CD276: variants seen among roughly 807,000 people sequenced by gnomAD.
CD276 encodes the protein CD276 molecule, also known as CD276 antigen.
CD276 carries 34 observed loss-of-function variants against 50.0 expected under a neutral mutation model. The ratio of observed to expected loss-of-function variants is 0.68; its 90% CI spans 0.52 to 0.91. The LOEUF (loss-of-function observed/expected upper bound fraction) is 0.91. Among genes scored for constraint, CD276 ranks in the 40% least tolerant of loss-of-function variants. The pLI is 0.00. For synonymous variants in CD276, 275 were observed against 313.0 expected, an observed-to-expected ratio of 0.88 and a Z score of 1.28; for missense variants, 634 against 717.5, an observed-to-expected ratio of 0.88 and a Z score of 1.33.
In CD276 at chr15:73,688,336, G is replaced by C. The variant is rs190627427; in HGVS notation, c.-55+3876G>C. ...ATTATTACTGCAGTTTTGGTACTGGGCACTTTCCTAAGTCCTCTCTCTCTA... is the reference window on the plus strand; with the variant it reads ...ATTATTACTGCAGTTTTGGTACTGGCCACTTTCCTAAGTCCTCTCTCTCTA... On this transcript the variant is annotated intron_variant, in intron 1 of 9. Transcript: ENST00000318443. Among the ~76,000 whole-genome samples the C allele has an allele frequency of 7.9e-4, 121 of 152,212 alleles. 1 individual carries two copies. The highest frequency in any genetic ancestry group is 1.2e-3 in the Non-Finnish European group (82 of 67,990).
chr15:73,696,074 T>G (rs1900162288), intron 1 of CD276, among the ~76,000 whole-genome samples: 1 of 152,254 alleles, frequency 6.6e-6, no homozygotes, highest in Admixed American at 6.5e-5. Flanking sequence ...ATGCCCTTGC[T>G]GTACCTTAGG....
At chr15:73,705,153 T>TCAGTCACTTCCTGGGCCGACGTGCTCA (rs1408452022) in intron 6 of CD276, among the ~76,000 whole-genome samples, 1 of 152,196 alleles carries the variant, frequency 6.6e-6, no homozygotes, top group African/African-American at 2.4e-5. Context: ...AGGCCTCTGG[T>TCAGTCACTTCCTGGGCCGACGTGCTCA]CAGTCACTTC....
At position 73,709,704 on chromosome 15, in the gene CD276, G is replaced by A. The variant is rs761008337; in HGVS notation, c.1546+15G>A. 1 of 1,609,640 alleles carries A rather than the reference G, an allele frequency of 6.2e-7. No homozygotes were observed. The highest frequency in any genetic ancestry group is 2.2e-5 in the East Asian group (1 of 44,732). On this transcript the variant is annotated intron_variant, in intron 8 of 9. Coordinates refer to ENST00000318443, the MANE Select transcript of CD276 (RefSeq NM_001024736.2). ...CTCCAAGACAGGTGAGTCTGAACTTGGAGCTGGCCCTCTTGGCTGGGAGAG... is the reference window on the plus strand; with the variant it reads ...CTCCAAGACAGGTGAGTCTGAACTTAGAGCTGGCCCTCTTGGCTGGGAGAG...
chr15:73,713,921 C>T lies in CD276; in HGVS notation c.*965C>T, dbSNP rs545685681. 3 of 380,714 alleles carry T rather than the reference C, an allele frequency of 7.9e-6. No homozygotes were observed. The highest frequency in any genetic ancestry group is 6.7e-5 in the African/African-American group (3 of 44,570). The allele number at this position is 380,714 out of a possible 1,614,324, so 23.6% of individuals were successfully genotyped here. On this transcript the variant is annotated 3_prime_UTR_variant, in exon 10 of 10. Transcript: ENST00000318443. ...CTGCGTGGGAAGATAAAGTTCCTCCCTCAAGGACTCCCCATCCAGCTGGGA... is the reference window on the plus strand; with the variant it reads ...CTGCGTGGGAAGATAAAGTTCCTCCTTCAAGGACTCCCCATCCAGCTGGGA...
intron 7 of CD276, 146 bp downstream of exon 7, chr15:73,708,619 C>A (rs992102658): frequency 7.7e-6 from 7 of 914,236 alleles, no homozygotes; most frequent in Non-Finnish European, 1.2e-5. Context: ...CTGTGTGTGA[C>A]CTTGAGTCTA....
intron 2 of CD276, among the ~76,000 whole-genome samples, chr15:73,700,882 T>G (rs112069561): frequency 5.6e-3 from 2 of 360 alleles, no homozygotes; most frequent in Admixed American, 0.023. Flanking sequence ...GGGGTTCGCT[T>G]CCCCTCCTCC....
chr15:73,708,679 C>T, intron 7 of CD276: 1 of 601,134 alleles, frequency 1.7e-6, no homozygotes, highest in Non-Finnish European at 2.9e-6. Flanking sequence ...TGTGCAGATA[C>T]CACAGGATGA....
intron 8 of CD276, 92 bp downstream of exon 8, chr15:73,709,781 C>A: frequency 7.7e-7 from 1 of 1,306,292 alleles, no homozygotes; most frequent in Non-Finnish European, 1.1e-6. Flanking sequence ...GCCAGATTTG[C>A]TGTAAGGTTT....
In CD276 at chr15:73,702,906, C is replaced by T. The variant is rs142744437; in HGVS notation, c.553C>T (p.Pro185Ser). 3,354 of 1,614,036 alleles carry T rather than the reference C, an allele frequency of 2.1e-3. 8 individuals carry two copies. The highest frequency in any genetic ancestry group is 2.7e-3 in the Non-Finnish European group (3,239 of 1,180,032). ...GTTCTGGCAGGATGGGCAGGGTGTGCCCCTGACTGGCAACGTGACCACGTC... is the reference window on the plus strand; with the variant it reads ...GTTCTGGCAGGATGGGCAGGGTGTGTCCCTGACTGGCAACGTGACCACGTC... ...EVFWQDGQGV[P>S]LTGNVTTSQM... Residue 185 changes from proline (P) to serine (S), a missense_variant, in exon 4 of 10, where the codon CCC becomes TCC. Physicochemically the swap from Pro to Ser is moderately conservative, Grantham distance 74 (BLOSUM62 -1). Transcript: ENST00000318443.
At position 73,702,881 on chromosome 15, in the gene CD276, G is replaced by A. The variant is rs1194155691; in HGVS notation, c.528G>A (p.Val176=). 6.2e-7 allele frequency: 1 copy of A among 1,614,026 alleles called. No homozygotes were observed. The highest frequency in any genetic ancestry group is 8.5e-7 in the Non-Finnish European group (1 of 1,180,044). ...SSYQGYPEAE[V]FWQDGQGVPL... ...ACCAGGGCTACCCTGAGGCTGAGGT[G>A]TTCTGGCAGGATGGGCAGGGTGTGC... Residue 176 remains valine (V), a synonymous_variant, in exon 4 of 10, where the codon GTG becomes GTA. Transcript: ENST00000318443.
chr15:73,688,877 G>A (rs2141533940), intron 1 of CD276, among the ~76,000 whole-genome samples: 1 of 152,178 alleles, frequency 6.6e-6, no homozygotes, highest in South Asian at 2.1e-4. Flanking sequence ...AGGCAAGGAG[G>A]CATTTAGGCA....
chr15:73,708,248 G>A (rs1900724550), intron 6 of CD276, 91 bp from the exon 7 acceptor site: 4 of 1,424,664 alleles, frequency 2.8e-6, no homozygotes, highest in Non-Finnish European at 3.9e-6. Flanking sequence ...GTGAGGGTGG[G>A]AGCCCCTGTT....
intron 1 of CD276, among the ~76,000 whole-genome samples, chr15:73,686,850 T>C (rs1899788092): frequency 6.6e-6 from 1 of 152,174 alleles, no homozygotes; most frequent in Non-Finnish European, 1.5e-5. Context: ...ATGGGGGCTG[T>C]TAAGCTGTGG....
At chr15:73,711,030 A>C (rs1596022580) in intron 8 of CD276, 105 bp from the exon 9 acceptor site, 1 of 1,202,250 alleles carries the variant, frequency 8.3e-7, no homozygotes, top group Non-Finnish European at 1.2e-6. Flanking sequence ...CACTCTGCTG[A>C]CTTGTCCCGC....
chr15:73,697,978 T>C (rs16958151), intron 1 of CD276, among the ~76,000 whole-genome samples: 2,048 of 152,302 alleles, frequency 0.013, 54 homozygotes, highest in African/African-American at 0.046. Flanking sequence ...TCAGTGTTGG[T>C]TGGCATAGAT....
At chr15:73,708,282 T>C in intron 6 of CD276, 57 bp from the exon 7 acceptor site, 15 of 1,594,196 alleles carry the variant, frequency 9.4e-6, no homozygotes, top group Non-Finnish European at 1.3e-5. Flanking sequence ...AATGGTGCTG[T>C]CCTCCGGGAC....
chr15:73,704,059 C>T lies in CD276; in HGVS notation c.1072+62C>T. On this transcript the variant is annotated intron_variant, in intron 5 of 9. Transcript: ENST00000318443. This position sits in a 1 kb window ranked among gnomAD's most constrained non-coding sequence, Gnocchi z 4.1. The stretch of plus-strand genomic sequence containing the variant: ...ACCCTCCATTCCCTCTGCAGCCCAC[C>T]CTCTGCTGCACCACTGCTCCCAGAA... The T allele has an allele frequency of 2.6e-6, 4 of 1,568,376 alleles. No individual in the cohort carries two copies. The highest frequency in any genetic ancestry group is 1.8e-5 in the Admixed American group (1 of 56,182).
rs376909596 is a variant in CD276 at position 73,702,523 on chromosome 15, C to G, written c.348C>G (p.Asp116Glu). ...GGCTGCAGCGCGTGCGTGTGGCGGACGAGGGCAGCTTCACCTGCTTCGTGA... is the reference window on the plus strand; with the variant it reads ...GGCTGCAGCGCGTGCGTGTGGCGGAGGAGGGCAGCTTCACCTGCTTCGTGA... The part of the protein sequence containing the change: ...SLRLQRVRVA[D>E]EGSFTCFVSI... The change falls in exon 3 of 10, where the codon GAC becomes GAG. Residue 116 changes from aspartate to glutamate, a missense_variant. Transcript: ENST00000318443. The G allele has an allele frequency of 3.7e-6, 6 of 1,612,780 alleles. No individual in the cohort carries two copies. Among genetic ancestry groups the G allele is most frequent in the South Asian group, 1.1e-5 (1 of 91,060 alleles).
chr15:73,684,122 G>A (rs1043430518), upstream of CD276: 33 of 152,270 alleles, frequency 2.2e-4, 1 homozygote, highest in Admixed American at 2.1e-3. Flanking sequence ...GTGTGGGAAC[G>A]GGGTGGGGGA....
Sources: allele counts gnomAD v4.1 joint callset (sites outside exome capture counted in the v4.1 genomes callset), GRCh38; gene constraint gnomAD v4.1.1; non-coding constraint Gnocchi (gnomAD v3.1); transcripts MANE v1.5; gene names NCBI Gene and HGNC (gene_info 2026-07-23, HGNC 2026-07-21).